The following DPYD variants were observed in gnomAD, a reference collection of about 807,000 sequenced individuals.
DPYD encodes dihydropyrimidine dehydrogenase, also known as dihydropyrimidine dehydrogenase [NADP(+)].
In DPYD, 109 loss-of-function variants were observed where a neutral mutation model predicts 116.2. The observed-to-expected ratio is 0.94, with a 90% CI of 0.80 to 1.10. DPYD has a LOEUF of 1.10. Among genes scored for constraint, DPYD ranks in the 50% least tolerant of loss-of-function variants. DPYD has a pLI of 0.00. For synonymous variants in DPYD, 440 were observed against 432.0 expected (o/e 1.02, Z -0.23); for missense variants, 1,302 against 1,254.5 (o/e 1.04, Z -0.57).
intron 10 of DPYD, among the ~76,000 whole-genome samples, chr1:97,588,867 T>G (rs1274549411): frequency 3.3e-5 from 5 of 152,178 alleles, no homozygotes; most frequent in African/African-American, 1.2e-4. Flanking sequence ...CCTTTAGTAT[T>G]AATGCTTTCT....
intron 5 of DPYD, among the ~76,000 whole-genome samples, chr1:97,721,207 G>C (rs1662905464): frequency 2.0e-5 from 3 of 151,640 alleles, no homozygotes; most frequent in African/African-American, 7.3e-5. Flanking sequence ...GGGTCTCCTT[G>C]CCATACTTCC....
At chr1:97,770,956 G>T (rs1029261528) in intron 3 of DPYD, among the ~76,000 whole-genome samples, 98 of 152,262 alleles carry the variant, frequency 6.4e-4, no homozygotes, top group African/African-American at 2.3e-3. Flanking sequence ...ATGAAAAAAT[G>T]TGTAATCTAG....
At chr1:97,538,148 A>G (rs938176197) in intron 12 of DPYD, among the ~76,000 whole-genome samples, 1 of 152,072 alleles carries the variant, frequency 6.6e-6, no homozygotes, top group Non-Finnish European at 1.5e-5. Flanking sequence ...GCCCCAAATC[A>G]CGGCATAAAC....
chr1:97,173,941 G>A (rs1657071199), intron 20 of DPYD, among the ~76,000 whole-genome samples: 1 of 150,906 alleles, frequency 6.6e-6, no homozygotes, highest in Non-Finnish European at 1.5e-5. Flanking sequence ...CCTACAAAAT[G>A]CACAAAGTGT....
At chr1:97,681,453 T>C (rs563920721) in intron 7 of DPYD, among the ~76,000 whole-genome samples, 98 of 152,234 alleles carry the variant, frequency 6.4e-4, no homozygotes, top group African/African-American at 2.2e-3. Context: ...TAATTCTGTT[T>C]TTATATTGGC....
intron 16 of DPYD, among the ~76,000 whole-genome samples, chr1:97,323,613 C>T (rs1391931832): frequency 1.5e-5 from 1 of 66,274 alleles, no homozygotes. Context: ...TATATATACA[C>T]GTATATATAC....
At position 97,115,701 on chromosome 1, in the gene DPYD, C is replaced by T. The variant is rs115530078; in HGVS notation, c.2623-17069G>A. Among the ~76,000 whole-genome samples, 1,492 of 152,212 alleles carry T rather than the reference C, an allele frequency of 9.8e-3. 25 individuals carry two copies. The highest frequency in any genetic ancestry group is 0.034 in the African/African-American group (1,402 of 41,542). ...ACCTATGCAGGAAGAAAATTACAAT[C>T]ATTATTATGGTCACAATTGTTACCT... On this transcript the variant is annotated intron_variant, in intron 20 of 22. Transcript: ENST00000370192.
At chr1:97,518,443 T>C (rs777490659) in intron 12 of DPYD, among the ~76,000 whole-genome samples, 1 of 152,090 alleles carries the variant, frequency 6.6e-6, no homozygotes, top group Non-Finnish European at 1.5e-5. Context: ...CTTTTCTGAA[T>C]TTTAAAAGCC....
Position 97,450,137 on chromosome 1 carries a change from A to T in DPYD, c.1827T>A (p.Asn609Lys), listed in dbSNP as rs1214738239. The stretch of plus-strand genomic sequence containing the variant: ...CCGTTTTCTCACTGATGAGCTCAAT[A>T]TTCAGAAAGGAGCTTTGTCCAGGGC... ...MYGPGQSSFL[N>K]IELISEKTAA... Residue 609 changes from asparagine (N) to lysine (K), a missense_variant, in exon 14 of 23, where the codon AAT (asparagine) becomes AAA (lysine). By Grantham distance (94) the Asn-to-Lys change is moderately conservative. Coordinates refer to ENST00000370192, the MANE Select transcript of DPYD (RefSeq NM_000110.4). 6.2e-7 allele frequency: 1 copy of T among 1,613,848 alleles called. No individual in the cohort carries two copies. Among genetic ancestry groups the T allele is most frequent in the Non-Finnish European group, 8.5e-7 (1 of 1,179,908 alleles).
intron 3 of DPYD, among the ~76,000 whole-genome samples, chr1:97,800,465 C>T (rs934735072): frequency 1.3e-5 from 2 of 151,854 alleles, no homozygotes; most frequent in African/African-American, 4.8e-5. Context: ...TGTCACAGAT[C>T]GAGCTCTCAA....
Position 97,078,964 on chromosome 1 carries a change from T to C in DPYD, c.*12A>G. ...GACATGAAAGTTCACAGCAACTGTT[T>C]CACAAATCACCTTAACACACCGGAT... On this transcript the variant is annotated 3_prime_UTR_variant, in exon 23 of 23. Coordinates refer to ENST00000370192, the MANE Select transcript of DPYD (RefSeq NM_000110.4). 1 of 1,613,532 alleles carries C rather than the reference T, an allele frequency of 6.2e-7. No individual in the cohort carries two copies. Among genetic ancestry groups the C allele is most frequent in the Non-Finnish European group, 8.5e-7 (1 of 1,179,502 alleles).
At chr1:97,211,546 A>G (rs1478029577) in intron 19 of DPYD, among the ~76,000 whole-genome samples, 2 of 152,140 alleles carry the variant, frequency 1.3e-5, no homozygotes, top group African/African-American at 4.8e-5. Context: ...CTCAGCAGAT[A>G]TTAGTTATTG....
At chr1:97,407,171 G>C (rs1004760962) in intron 14 of DPYD, among the ~76,000 whole-genome samples, 6 of 152,044 alleles carry the variant, frequency 3.9e-5, no homozygotes, top group African/African-American at 7.2e-5. Flanking sequence ...GAATAAAAAA[G>C]AGGTTAATAA....
At chr1:97,881,177 GGA>G (rs1672200862) in intron 2 of DPYD, among the ~76,000 whole-genome samples, 1 of 151,966 alleles carries the variant, frequency 6.6e-6, no homozygotes, top group Admixed American at 6.6e-5. Flanking sequence ...AGCTATATTT[GGA>G]GAGAGAGTCT....
chr1:97,147,751 C>T (rs1654732517), intron 20 of DPYD, among the ~76,000 whole-genome samples: 1 of 152,172 alleles, frequency 6.6e-6, no homozygotes, highest in African/African-American at 2.4e-5. Context: ...GCCCATCAGT[C>T]CATCTTATTT....
At chr1:97,861,533 A>G (rs1233729610) in intron 2 of DPYD, among the ~76,000 whole-genome samples, 1 of 152,014 alleles carries the variant, frequency 6.6e-6, no homozygotes, top group East Asian at 1.9e-4. Flanking sequence ...GGTAAAAATT[A>G]TATAATTTGT....
chr1:97,456,302 C>T (rs1337464604), intron 13 of DPYD, among the ~76,000 whole-genome samples: 1 of 151,908 alleles, frequency 6.6e-6, no homozygotes, highest in Non-Finnish European at 1.5e-5. Context: ...GGGGTGTTGT[C>T]TATTTATTTT....
At chr1:97,200,800 G>T (rs1006660974) in intron 19 of DPYD, among the ~76,000 whole-genome samples, 1 of 152,138 alleles carries the variant, frequency 6.6e-6, no homozygotes, top group African/African-American at 2.4e-5. Context: ...TAAATGATCT[G>T]TGCATGGTAC....
intron 11 of DPYD, among the ~76,000 whole-genome samples, chr1:97,564,909 T>C (rs1346298667): frequency 1.3e-5 from 2 of 152,108 alleles, no homozygotes; most frequent in African/African-American, 4.8e-5. Context: ...GATGTTGCCT[T>C]CCATGTAAAG....
Sources: gnomAD v4.1 joint callset for allele counts (sites outside exome capture counted in the v4.1 genomes callset) on GRCh38, gnomAD v4.1.1 for gene constraint, MANE v1.5 for transcripts, NCBI Gene and HGNC (gene_info 2026-07-23, HGNC 2026-07-21) for gene names.